ERBB4: variants seen among roughly 807,000 people sequenced by gnomAD.
The protein encoded by ERBB4 is receptor tyrosine-protein kinase erbB-4.
Under a neutral mutation model 158.0 loss-of-function variants are expected in ERBB4, and 42 were observed. That is an observed-to-expected ratio of 0.27 (90% CI 0.21 to 0.34). The LOEUF is 0.34. Among genes scored for constraint, ERBB4 ranks in the 10% least tolerant of loss-of-function variants. The pLI is 1.00. For missense variants in ERBB4, 1,333 were observed against 1,624.1 expected, an observed-to-expected ratio of 0.82 and a Z score of 3.08; for synonymous variants, 583 against 558.7, an observed-to-expected ratio of 1.04 and a Z score of -0.61.
At chr2:211,906,366 G>A (rs1303629969) in intron 3 of ERBB4, among the ~76,000 whole-genome samples, 1 of 152,020 alleles carries the variant, frequency 6.6e-6, no homozygotes, top group African/African-American at 2.4e-5. Flanking sequence ...AGCAATTGAG[G>A]AACATAGCTC....
intron 1 of ERBB4, among the ~76,000 whole-genome samples, chr2:212,399,536 T>TTATATATACATATATA (rs1560213929): frequency 1.3e-3 from 27 of 20,762 alleles, no homozygotes; most frequent in Non-Finnish European, 2.6e-3. Flanking sequence ...GATATATATT[T>TTATATATACATATATA]TATATATACA....
chr2:211,684,050 T>G (rs1370616304), intron 12 of ERBB4, among the ~76,000 whole-genome samples: 2 of 152,210 alleles, frequency 1.3e-5, no homozygotes, highest in Admixed American at 1.3e-4. Flanking sequence ...ATTTATTTAT[T>G]TGCTATTTAG....
chr2:211,842,358 C>CT (rs34437497), intron 3 of ERBB4, among the ~76,000 whole-genome samples: 119 of 149,744 alleles, frequency 7.9e-4, no homozygotes, highest in Non-Finnish European at 1.2e-3. Context: ...TACGTTTCCA[C>CT]TTTTTTTTTC....
At chr2:212,078,361 G>C (rs1223790755) in intron 2 of ERBB4, among the ~76,000 whole-genome samples, 1 of 151,770 alleles carries the variant, frequency 6.6e-6, no homozygotes, top group Non-Finnish European at 1.5e-5. Flanking sequence ...AGATTTTGTT[G>C]TTGTGCACTA....
chr2:211,892,847 TTACAAGGGATGTGAAGGA>T (rs2079003578), intron 3 of ERBB4, among the ~76,000 whole-genome samples: 1 of 142,690 alleles, frequency 7.0e-6, no homozygotes, highest in Admixed American at 6.9e-5. Context: ...GGAATCCAAC[TTACAAGGGATGTGAAGGA>T]CCTCTTCAAG....
intron 3 of ERBB4, among the ~76,000 whole-genome samples, chr2:211,861,061 AAATATAATATATTTATATAT>A (rs1559585568): frequency 3.9e-4 from 16 of 41,500 alleles, no homozygotes; most frequent in African/African-American, 7.6e-4. Flanking sequence ...ATATATATAT[AAATATAATATATTTATATAT>A]TATAAAATAT....
At position 211,565,640 on chromosome 2, in the gene ERBB4, C is replaced by T. The variant is rs76152132; in HGVS notation, c.2302-3552G>A. On this transcript the variant is annotated intron_variant, in intron 19 of 27. Coordinates refer to ENST00000342788, the MANE Select transcript of ERBB4 (RefSeq NM_005235.3). The stretch of plus-strand genomic sequence containing the variant: ...CCTTTAACCGTCCCTACTATTTTAC[C>T]GCTGTTGAGTTCAGCTGTGCCTTAC... Among the ~76,000 whole-genome samples, 794 of 152,110 alleles carry T rather than the reference C, an allele frequency of 5.2e-3. 10 individuals carry two copies. The highest frequency in any genetic ancestry group is 0.038 in the South Asian group (182 of 4,814).
intron 3 of ERBB4, among the ~76,000 whole-genome samples, chr2:211,899,982 T>C (rs2079191465): frequency 1.3e-5 from 2 of 152,158 alleles, no homozygotes; most frequent in African/African-American, 2.4e-5. Flanking sequence ...GTAAGTTTCT[T>C]GAGCACCCCT....
chr2:211,390,004 T>C (rs2062767619), intron 25 of ERBB4, among the ~76,000 whole-genome samples: 1 of 152,220 alleles, frequency 6.6e-6, no homozygotes, highest in Non-Finnish European at 1.5e-5. Flanking sequence ...TGTTTTACTA[T>C]ATTTTAGAAA....
chr2:211,612,288 G>A (rs1480111161), intron 19 of ERBB4, among the ~76,000 whole-genome samples: 4 of 152,004 alleles, frequency 2.6e-5, no homozygotes. Flanking sequence ...TCTCCTATGT[G>A]CTGATATTGT....
At chr2:212,202,236 A>G (rs12477149) in intron 1 of ERBB4, among the ~76,000 whole-genome samples, 18,073 of 152,244 alleles carry the variant, frequency 0.12, 1,379 homozygotes, top group South Asian at 0.37. Flanking sequence ...GGTTTTATCA[A>G]TAGTGCATAT....
chr2:212,358,089 A>T (rs1432493904), intron 1 of ERBB4, among the ~76,000 whole-genome samples: 2 of 151,864 alleles, frequency 1.3e-5, no homozygotes, highest in Non-Finnish European at 2.9e-5. Context: ...GACAGGGAAA[A>T]TATTCAAACT....
chr2:212,069,838 C>T (rs763881926), intron 2 of ERBB4, among the ~76,000 whole-genome samples: 1 of 151,848 alleles, frequency 6.6e-6, no homozygotes, highest in African/African-American at 2.4e-5. Flanking sequence ...TTACTTAAGG[C>T]TGGGTACGGT....
chr2:211,622,556 A>AAATCT (rs2069644427), intron 18 of ERBB4, among the ~76,000 whole-genome samples: 1 of 152,166 alleles, frequency 6.6e-6, no homozygotes, highest in Non-Finnish European at 1.5e-5. Context: ...TTTGTTAAAT[A>AAATCT]AATCTCTGTT....
intron 2 of ERBB4, among the ~76,000 whole-genome samples, chr2:211,986,969 T>C (rs2081952378): frequency 6.6e-6 from 1 of 152,122 alleles, no homozygotes; most frequent in South Asian, 2.1e-4. Flanking sequence ...ATATAAAGTA[T>C]GAAAACACAA....
At chr2:212,441,948 T>C (rs2092263497) in intron 1 of ERBB4, among the ~76,000 whole-genome samples, 1 of 152,198 alleles carries the variant, frequency 6.6e-6, no homozygotes, top group Non-Finnish European at 1.5e-5. Context: ...CACCTGCTCT[T>C]TGAAGAGCCT....
intron 2 of ERBB4, among the ~76,000 whole-genome samples, chr2:212,055,476 C>A (rs368538081): frequency 6.6e-6 from 1 of 152,224 alleles, no homozygotes; most frequent in Non-Finnish European, 1.5e-5. Context: ...GGATAGACAG[C>A]CCCCTCAAGT....
At chr2:211,454,318 C>T (rs6435628) in intron 20 of ERBB4, among the ~76,000 whole-genome samples, 127,395 of 152,156 alleles carry the variant, frequency 0.84, 53,746 homozygotes, top group African/African-American at 0.94. Context: ...TCCTTAAGAG[C>T]TTATAAATAA....
intron 19 of ERBB4, among the ~76,000 whole-genome samples, chr2:211,586,756 A>G (rs115242401): frequency 0.021 from 3,159 of 152,242 alleles, 99 homozygotes; most frequent in African/African-American, 0.072. Flanking sequence ...ATATGGAAAT[A>G]TTGTGCCTTG....
Sources: allele counts gnomAD v4.1 joint callset (sites outside exome capture counted in the v4.1 genomes callset), GRCh38; gene constraint gnomAD v4.1.1; transcripts MANE v1.5; gene names NCBI Gene and HGNC (gene_info 2026-07-23, HGNC 2026-07-21).